Variants in KCNJ15 observed in about 807,000 individuals in gnomAD.
KCNJ15 encodes potassium inwardly rectifying channel subfamily J member 15.
In KCNJ15, 14 loss-of-function variants were observed where a neutral mutation model predicts 23.0. The ratio of observed to expected loss-of-function variants is 0.61; its 90% confidence interval spans 0.40 to 0.95. KCNJ15 has a LOEUF of 0.95. Ranked by LOEUF, KCNJ15 falls within the 40% of genes least tolerant of loss-of-function variation. The pLI is 0.00. For missense variants in KCNJ15, 388 were observed against 461.8 expected, an observed-to-expected ratio of 0.84 and a Z score of 1.46; for synonymous variants, 185 against 183.2, an observed-to-expected ratio of 1.01 and a Z score of -0.08.
rs757288337 is a variant in KCNJ15, at chr21:38,302,449, A to C, written c.*2060A>C. Reference sequence around the variant, plus strand: ...AAAGAATGCCCTCAATCCATGAACGAGAGGGAGGATGTTGTCTTTAATTAT... The same window carrying C: ...AAAGAATGCCCTCAATCCATGAACGCGAGGGAGGATGTTGTCTTTAATTAT... On this transcript the variant is annotated 3_prime_UTR_variant, in exon 3 of 3. Coordinates refer to ENST00000398938, the MANE Select transcript of KCNJ15 (RefSeq NM_170736.3). 3 of 152,350 alleles carry C rather than the reference A, an allele frequency of 2.0e-5. No homozygotes were observed. The South Asian group carries it at 6.2e-4, about 32-fold the overall frequency. 9.4% of individuals were successfully genotyped at this position (152,350 alleles called of 1,614,324 possible).
chr21:38,245,645 GAGAGAC>G (rs1368176944), intron 1 of KCNJ15, among the ~76,000 whole-genome samples: 1 of 150,940 alleles, frequency 6.6e-6, no homozygotes, highest in East Asian at 1.9e-4. Context: ...GGAAGGGAAA[GAGAGAC>G]AGAGAAAGGA....
chr21:38,250,211 A>T (rs1336534419), intron 1 of KCNJ15, among the ~76,000 whole-genome samples: 2 of 152,200 alleles, frequency 1.3e-5, no homozygotes, highest in Non-Finnish European at 2.9e-5. Context: ...GCTAATAATA[A>T]ATACCCAAGA....
rs1171718120 is a variant in KCNJ15, at chr21:38,288,026, C to CTTTTTTTTTTTTTTTTTTTTTT, written c.-116-8897_-116-8896insTTTTTTTTTTTTTTTTTTTTTT. 5.0e-3 allele frequency among the ~76,000 whole-genome samples: 394 copies of CTTTTTTTTTTTTTTTTTTTTTT among 78,136 alleles called. 150 individuals are homozygous for CTTTTTTTTTTTTTTTTTTTTTT. The highest frequency in any genetic ancestry group is 6.2e-3 in the Non-Finnish European group (275 of 44,154). 51.3% of individuals were successfully genotyped at this position (78,136 alleles called of 152,430 possible). A position where few individuals can be genotyped will look rare whatever the true frequency, so the allele number is the denominator to read the frequency against. On this transcript the variant is annotated intron_variant, in intron 1 of 2. Coordinates refer to ENST00000398938, the MANE Select transcript of KCNJ15 (RefSeq NM_170736.3). Reference sequence around the variant, plus strand: ...CCATTGTTAAATAACTTGTTTTTTTCTTTGTTTTTTTTTTTTTTTTTTTTT... The same window carrying CTTTTTTTTTTTTTTTTTTTTTT: ...CCATTGTTAAATAACTTGTTTTTTTCTTTTTTTTTTTTTTTTTTTTTTTTTGTTTTTTTTTTTTTTTTTTTTT...
intron 1 of KCNJ15, chr21:38,238,271 G>C: frequency 1.5e-6 from 1 of 685,588 alleles, no homozygotes; most frequent in Non-Finnish European, 2.8e-6. Context: ...TCCATGATGA[G>C]CATTGAGCAG....
rs769763000 is a variant in KCNJ15, at chr21:38,299,709, T to C, written c.448T>C (p.Leu150=). The part of the protein sequence containing the change: ...PHAIFLLVAQ[L]VITTLIEIFI... Reference sequence around the variant, plus strand: ...TGCCATCTTCCTGTTGGTTGCTCAGTTGGTCATCACGACCTTGATTGAGAT... The same window carrying C: ...TGCCATCTTCCTGTTGGTTGCTCAGCTGGTCATCACGACCTTGATTGAGAT... The change falls in exon 3 of 3, where the codon TTG becomes CTG. Residue 150 remains leucine (L), a synonymous_variant. Coordinates refer to ENST00000398938, the MANE Select transcript of KCNJ15 (RefSeq NM_170736.3). This position sits in a 1 kb window ranked among gnomAD's most constrained non-coding sequence, Gnocchi z 4.5. The C allele has an allele frequency of 3.7e-6, 6 of 1,614,154 alleles. No individual in the cohort carries two copies. Among genetic ancestry groups the C allele is most frequent in the South Asian group, 1.1e-5 (1 of 91,078 alleles).
chr21:38,261,277 C>T (rs1420793229), intron 1 of KCNJ15, among the ~76,000 whole-genome samples: 6 of 152,120 alleles, frequency 3.9e-5, no homozygotes, highest in Non-Finnish European at 2.9e-5. Flanking sequence ...AATTTGGGGG[C>T]TTTCTTTAGA....
At chr21:38,271,926 G>A (rs1187645476) in intron 1 of KCNJ15, among the ~76,000 whole-genome samples, 6 of 152,198 alleles carry the variant, frequency 3.9e-5, no homozygotes, top group Admixed American at 3.9e-4. Context: ...TCCACCGTTA[G>A]AGGCTGCTTT....
At chr21:38,256,072 C>T (rs113998042), upstream of KCNJ15, among the ~76,000 whole-genome samples, 1 of 152,202 alleles carries the variant, frequency 6.6e-6, no homozygotes, top group African/African-American at 2.4e-5. Context: ...GCAGTCTGGC[C>T]GTGAGAAGGC....
chr21:38,259,944 C>G (rs1339946522), intron 1 of KCNJ15, among the ~76,000 whole-genome samples: 1 of 152,096 alleles, frequency 6.6e-6, no homozygotes, highest in Non-Finnish European at 1.5e-5. Context: ...CTAAGAAGTG[C>G]TAAATCTTCC....
At chr21:38,267,816 C>T (rs1981622422) in intron 1 of KCNJ15, among the ~76,000 whole-genome samples, 1 of 152,174 alleles carries the variant, frequency 6.6e-6, no homozygotes, top group African/African-American at 2.4e-5. Flanking sequence ...TTCTCATGCT[C>T]TTTTTTGCTA....
rs942492497 is a variant in KCNJ15 at position 38,299,512 on chromosome 21, T to C, written c.251T>C (p.Ile84Thr). Reference sequence around the variant, plus strand: ...ATGACCTGGTTCCTTTTTGGAGTCATCTACTATGCCATCGCGTTTATTCAT... The same window carrying C: ...ATGACCTGGTTCCTTTTTGGAGTCACCTACTATGCCATCGCGTTTATTCAT... ...FVMTWFLFGVIYYAIAFIHGD... is the reference protein window; with the variant it reads ...FVMTWFLFGVTYYAIAFIHGD... The change falls in exon 3 of 3, where the codon ATC becomes ACC. Residue 84 changes from isoleucine to threonine, a missense_variant. By Grantham distance (89) the Ile-to-Thr change is moderately conservative. Transcript: ENST00000398938. The surrounding 1 kb of genome is among the most constrained non-coding windows in gnomAD (Gnocchi z 4.5). The C allele has an allele frequency of 2.5e-6, 4 of 1,614,210 alleles. No individual in the cohort carries two copies. In the Admixed American group the frequency reaches 6.7e-5, roughly 27 times the overall value.
Position 38,303,735 on chromosome 21 carries a change from C to T in KCNJ15, c.*3346C>T, listed in dbSNP as rs1985940316. 1 of 152,104 alleles carries T rather than the reference C, an allele frequency of 6.6e-6. No homozygotes were observed. Among genetic ancestry groups the T allele is most frequent in the African/African-American group, 2.4e-5 (1 of 41,400 alleles). The allele number at this position is 152,104 out of a possible 1,614,324, so 9.4% of individuals were successfully genotyped here. ...ATTAAATTTCCCAATTTTTAATAGA[C>T]TGTGATTTCAATATTATCGAAATGT... On this transcript the variant is annotated 3_prime_UTR_variant, in exon 3 of 3. Transcript: ENST00000398938.
intron 1 of KCNJ15, among the ~76,000 whole-genome samples, chr21:38,251,719 G>A (rs905161721): frequency 1.3e-5 from 2 of 152,146 alleles, no homozygotes; most frequent in Admixed American, 6.5e-5. Context: ...GAGGAATAGC[G>A]TGACCCATCA....
At chr21:38,261,390 T>C (rs1980878905) in intron 1 of KCNJ15, among the ~76,000 whole-genome samples, 2 of 152,254 alleles carry the variant, frequency 1.3e-5, no homozygotes, top group African/African-American at 4.8e-5. Context: ...AACTTCTTGA[T>C]AAATCCACTC....
chr21:38,265,956 A>C (rs1218298508), intron 1 of KCNJ15, among the ~76,000 whole-genome samples: 1 of 152,158 alleles, frequency 6.6e-6, no homozygotes, highest in Non-Finnish European at 1.5e-5. Context: ...AGAAGCCTTC[A>C]GAGCAGGAGG....
At chr21:38,285,182 A>C (rs537644094) in intron 1 of KCNJ15, among the ~76,000 whole-genome samples, 1 of 152,318 alleles carries the variant, frequency 6.6e-6, no homozygotes, top group East Asian at 1.9e-4. Flanking sequence ...TTGATTTGTG[A>C]AAACTTTATA....
Position 38,304,662 on chromosome 21 carries a change from C to CTTGTTT in KCNJ15, c.*4275_*4276insGTTTTT, listed in dbSNP as rs1985981750. 1 of 56,026 alleles carries CTTGTTT rather than the reference C, an allele frequency of 1.8e-5. No individual in the cohort carries two copies. Among genetic ancestry groups the CTTGTTT allele is most frequent in the Non-Finnish European group, 3.6e-5 (1 of 28,118 alleles). 3.5% of individuals were successfully genotyped at this position (56,026 alleles called of 1,614,324 possible). On this transcript the variant is annotated 3_prime_UTR_variant, in exon 3 of 3. Transcript: ENST00000398938. The stretch of plus-strand genomic sequence containing the variant: ...TTACCCTTTGTAAACTTCAATTTAT[C>CTTGTTT]TTTTTTTTTTTTTTTTTTTTTTTTT...
rs1985966383 is a variant in KCNJ15, at chr21:38,304,273, C to G, written c.*3884C>G. 1 of 134,550 alleles carries G rather than the reference C, an allele frequency of 7.4e-6. No homozygotes were observed. Among genetic ancestry groups the G allele is most frequent in the South Asian group, 2.6e-4 (1 of 3,812 alleles). The allele number at this position is 134,550 out of a possible 1,614,324, so 8.3% of individuals were successfully genotyped here. A position where few individuals can be genotyped will look rare whatever the true frequency, so the allele number is the denominator to read the frequency against. ...CCCTCCCCCCACCCCACAACAGTCC[C>G]CGGTGTGTGATGTTCCCCTTCCTGT... On this transcript the variant is annotated 3_prime_UTR_variant, in exon 3 of 3. Coordinates refer to ENST00000398938, the MANE Select transcript of KCNJ15 (RefSeq NM_170736.3).
chr21:38,255,203 A>G (rs140649230), upstream of KCNJ15, among the ~76,000 whole-genome samples: 1 of 152,338 alleles, frequency 6.6e-6, no homozygotes, highest in East Asian at 1.9e-4. Flanking sequence ...GGTGCCATTC[A>G]GGCTAGGACC....
Sources: gnomAD v4.1 joint callset for allele counts (sites outside exome capture counted in the v4.1 genomes callset) on GRCh38, gnomAD v4.1.1 for gene constraint, Gnocchi (gnomAD v3.1) non-coding constraint, MANE v1.5 for transcripts, NCBI Gene and HGNC (gene_info 2026-07-23, HGNC 2026-07-21) for gene names.